Variants in COMT observed in about 807,000 individuals in gnomAD.
COMT encodes the protein catechol O-methyltransferase.
In COMT, 13 loss-of-function variants were observed where a neutral mutation model predicts 18.9. That is an observed-to-expected ratio of 0.69 (90% CI 0.45 to 1.09). COMT has a LOEUF of 1.09. COMT is among the 50% of genes least tolerant of loss of function. COMT has a pLI of 0.00. For synonymous variants in COMT, 150 were observed against 160.9 expected, an observed-to-expected ratio of 0.93 and a Z score of 0.51; for missense variants, 329 against 361.8, an observed-to-expected ratio of 0.91 and a Z score of 0.73.
chr22:19,952,530 C>CT (rs1941964608), intron 1 of COMT, among the ~76,000 whole-genome samples: 1 of 151,358 alleles, frequency 6.6e-6, no homozygotes, highest in South Asian at 2.1e-4. Context: ...GTCCCAGCTA[C>CT]TGGGAGGCTG....
intron 1 of COMT, among the ~76,000 whole-genome samples, chr22:19,956,370 CTTTTTTTTTTTT>C (rs361698): frequency 3.2e-4 from 15 of 47,348 alleles, no homozygotes; most frequent in African/African-American, 1.4e-3. Flanking sequence ...CTTGAGCTCT[CTTTTTTTTTTTT>C]TTTTTTTTTT....
chr22:19,964,270 C>T lies in COMT; in HGVS notation c.586C>T (p.Arg196Trp), dbSNP rs374506541. The T allele has an allele frequency of 1.2e-5, 20 of 1,613,886 alleles. No individual in the cohort carries two copies. Among genetic ancestry groups the T allele is most frequent in the South Asian group, 3.3e-5 (3 of 91,088 alleles). The change falls in exon 5 of 6, where the codon CGG becomes TGG. Residue 196 changes from arginine to tryptophan, a missense_variant. Coordinates refer to ENST00000361682, the MANE Select transcript of COMT (RefSeq NM_000754.4). The stretch of plus-strand genomic sequence containing the variant: ...GGTCTTCCTCGACCACTGGAAGGAC[C>T]GGTACCTGCCGGACACGCTTCTCTT... ...DMVFLDHWKD[R>W]YLPDTLLLEE...
Position 19,963,645 on chromosome 22 carries a change from T to A in COMT, c.369T>A (p.Ala123=). Reference sequence around the variant, plus strand: ...TGGGGGCCTACTGTGGCTACTCAGCTGTGCGCATGGCCCGCCTGCTGTCAC... The same window carrying A: ...TGGGGGCCTACTGTGGCTACTCAGCAGTGCGCATGGCCCGCCTGCTGTCAC... ...LELGAYCGYS[A]VRMARLLSPG... The change falls in exon 4 of 6, where the codon GCT becomes GCA. Residue 123 remains alanine, a synonymous_variant. Coordinates refer to ENST00000361682, the MANE Select transcript of COMT (RefSeq NM_000754.4). 6.2e-7 allele frequency: 1 copy of A among 1,612,988 alleles called. No individual in the cohort carries two copies. The highest frequency in any genetic ancestry group is 8.5e-7 in the Non-Finnish European group (1 of 1,180,014).
intron 1 of COMT, among the ~76,000 whole-genome samples, chr22:19,950,062 A>C (rs939988256): frequency 6.6e-6 from 1 of 152,152 alleles, no homozygotes; most frequent in Non-Finnish European, 1.5e-5. Flanking sequence ...AATGTCTATT[A>C]TTTAACTTCA....
At chr22:19,964,127 C>T (rs1569134003) in intron 4 of COMT, 41 bp from the exon 5 acceptor site, 1 of 1,613,860 alleles carries the variant, frequency 6.2e-7, no homozygotes, top group East Asian at 2.2e-5. Flanking sequence ...GGGATGGCCT[C>T]CTGTCTGTGA....
intron 2 of COMT, 38 bp from the exon 3 acceptor site, chr22:19,962,489 G>A (rs1340961855): frequency 1.3e-6 from 2 of 1,550,040 alleles, no homozygotes; most frequent in Admixed American, 3.8e-5. Flanking sequence ...TGCAGGAGGA[G>A]CACAGAGCAC....
At chr22:19,956,540 G>C (rs1942069169) in intron 1 of COMT, among the ~76,000 whole-genome samples, 2 of 151,634 alleles carry the variant, frequency 1.3e-5, no homozygotes, top group South Asian at 4.2e-4. Context: ...ACCAAGCCTG[G>C]CTAATTTTTG....
intron 1 of COMT, among the ~76,000 whole-genome samples, chr22:19,960,852 G>C (rs1388262101): frequency 6.6e-6 from 1 of 152,242 alleles, no homozygotes; most frequent in African/African-American, 2.4e-5. Flanking sequence ...AGGTACTAAG[G>C]ACTCTTCAGG....
intron 5 of COMT, 105 bp from the exon 6 acceptor site, chr22:19,968,431 A>T: frequency 9.0e-7 from 1 of 1,114,792 alleles, no homozygotes; most frequent in South Asian, 1.3e-5. Flanking sequence ...GGGGCTAGGC[A>T]CAGGCGTGGT....
intron 1 of COMT, among the ~76,000 whole-genome samples, chr22:19,952,461 A>C (rs190003301): frequency 6.6e-6 from 1 of 151,920 alleles, no homozygotes; most frequent in East Asian, 1.9e-4. Context: ...AACATGGTGA[A>C]ACCCCGTCTC....
In COMT at chr22:19,969,706, T is replaced by C. The variant is rs1008081424; in HGVS notation, c.*970T>C. 1.8e-4 allele frequency: 80 copies of C among 438,908 alleles called. No homozygotes were observed. Among genetic ancestry groups the C allele is most frequent in the African/African-American group, 1.1e-3 (51 of 45,874 alleles). 27.2% of individuals were successfully genotyped at this position (438,908 alleles called of 1,614,324 possible). A position where few individuals can be genotyped will look rare whatever the true frequency, so the allele number is the denominator to read the frequency against. ...CCCCCAGCCAGCCCACTCCTATGGA[T>C]AGACAGACCAGTGAGCCCAAGTGGA... is the stretch of plus-strand genomic sequence containing the variant. On this transcript the variant is annotated 3_prime_UTR_variant, in exon 6 of 6. Transcript: ENST00000361682.
rs35689277 is a variant in COMT at position 19,946,910 on chromosome 22, GTT to G, written c.-92+5035_-92+5036del. ...TAGCATTAAAAAAAATTTTTTTTTA[GTT>G]TTTTTTTTTTTTTTTTTTTTTGAGA... On this transcript the variant is annotated intron_variant, in intron 1 of 5. Transcript: ENST00000361682. Among the ~76,000 whole-genome samples the G allele has an allele frequency of 1.2e-3, 138 of 117,098 alleles. 8 individuals are homozygous for G. Among genetic ancestry groups the G allele is most frequent in the Middle Eastern group, 9.8e-3 (2 of 204 alleles). 76.8% of individuals were successfully genotyped at this position (117,098 alleles called of 152,430 possible).
chr22:19,964,133 T>C, intron 4 of COMT, 35 bp from the exon 5 acceptor site: 1 of 1,613,832 alleles, frequency 6.2e-7, no homozygotes, highest in Non-Finnish European at 8.5e-7. Flanking sequence ...GCCTCCTGTC[T>C]GTGAGGACGT....
chr22:19,948,353 G>A (rs1379202802), intron 1 of COMT, among the ~76,000 whole-genome samples: 1 of 152,144 alleles, frequency 6.6e-6, no homozygotes, highest in African/African-American at 2.4e-5. Flanking sequence ...AAGTCAGTCT[G>A]AGATCAAGAC....
At chr22:19,952,655 AC>A (rs1941969102) in intron 1 of COMT, among the ~76,000 whole-genome samples, 1 of 125,854 alleles carries the variant, frequency 7.9e-6, no homozygotes, top group Non-Finnish European at 1.8e-5. Flanking sequence ...AAACAAAACA[AC>A]AACAAAAAAA....
At chr22:19,945,064 G>A (rs141752291) in intron 1 of COMT, among the ~76,000 whole-genome samples, 65 of 152,230 alleles carry the variant, frequency 4.3e-4, no homozygotes, top group African/African-American at 1.4e-3. Context: ...GACCACACAG[G>A]CCTTTTTAAG....
chr22:19,960,665 A>AC (rs1942173128), intron 1 of COMT, among the ~76,000 whole-genome samples: 1 of 151,972 alleles, frequency 6.6e-6, no homozygotes, highest in Non-Finnish European at 1.5e-5. Context: ...GGACAGGGGC[A>AC]CCCCCACTGT....
At chr22:19,947,489 A>G (rs568691813) in intron 1 of COMT, among the ~76,000 whole-genome samples, 110 of 152,322 alleles carry the variant, frequency 7.2e-4, no homozygotes, top group Admixed American at 2.7e-3. Flanking sequence ...CTCCAGTGAC[A>G]GGTAAGGTCA....
chr22:19,945,295 A>C (rs1214084316), intron 1 of COMT, among the ~76,000 whole-genome samples: 1 of 152,184 alleles, frequency 6.6e-6, no homozygotes, highest in Non-Finnish European at 1.5e-5. Context: ...TAAGACCAAG[A>C]ACCCCGTAAG....
Sources: allele counts gnomAD v4.1 joint callset (sites outside exome capture counted in the v4.1 genomes callset), GRCh38; gene constraint gnomAD v4.1.1; transcripts MANE v1.5; gene names NCBI Gene and HGNC (gene_info 2026-07-23, HGNC 2026-07-21).